COL27A1: variants seen among roughly 807,000 people sequenced by gnomAD.
COL27A1 encodes the protein collagen alpha-1(XXVII) chain.
A neutral mutation model predicts 251.3 loss-of-function variants in COL27A1; 106 were observed. That is an observed-to-expected ratio of 0.42 (90% CI 0.36 to 0.50). The LOEUF is 0.50. Ranked by LOEUF, COL27A1 falls within the 20% of genes least tolerant of loss-of-function variation. COL27A1 has a pLI of 0.00. For synonymous variants in COL27A1, 1,000 were observed against 986.3 expected, an observed-to-expected ratio of 1.01 and a Z score of -0.26; for missense variants, 2,325 against 2,522.8, an observed-to-expected ratio of 0.92 and a Z score of 1.68.
At position 114,290,246 on chromosome 9, in the gene COL27A1, C is replaced by A. The variant is rs1375492123; in HGVS notation, c.4283C>A (p.Pro1428His). The A allele has an allele frequency of 3.2e-6, 5 of 1,572,468 alleles. No individual in the cohort carries two copies. Among genetic ancestry groups the A allele is most frequent in the Admixed American group, 1.9e-5 (1 of 52,666 alleles). ...GVQGLQGLPG[P>H]RGVVGRQGLE... Reference sequence around the variant, plus strand: ...CAGGGCCTGCAGGGGCTGCCAGGGCCCCGGGGCGTGGTGGGGAGACAGGGC... The same window carrying A: ...CAGGGCCTGCAGGGGCTGCCAGGGCACCGGGGCGTGGTGGGGAGACAGGGC... Residue 1428 changes from proline (P) to histidine (H), a missense_variant, in exon 47 of 61, where the codon CCC becomes CAC. By Grantham distance (77) the Pro-to-His change is moderately conservative. This residue lies in a region of COL27A1 where 153 missense variants were observed against 140.7 expected (regional missense o/e 1.09). Coordinates refer to ENST00000356083, the MANE Select transcript of COL27A1 (RefSeq NM_032888.4). This position sits in a 1 kb window ranked among gnomAD's most constrained non-coding sequence, Gnocchi z 4.6.
chr9:114,249,496 C>T (rs369194635), intron 24 of COL27A1, among the ~76,000 whole-genome samples: 3 of 152,164 alleles, frequency 2.0e-5, no homozygotes, highest in Admixed American at 6.5e-5. Flanking sequence ...GGGGAAGGTG[C>T]GTGGTCTTTG....
At chr9:114,162,812 G>C (rs1192301976) in intron 2 of COL27A1, 27 bp downstream of exon 2, 1 of 1,560,394 alleles carries the variant, frequency 6.4e-7, no homozygotes, top group Non-Finnish European at 8.8e-7. Context: ...TTTGTCCAGG[G>C]GGAGACAAAG....
intron 28 of COL27A1, among the ~76,000 whole-genome samples, chr9:114,260,103 A>G (rs1212318173): frequency 3.3e-5 from 5 of 151,952 alleles, no homozygotes; most frequent in Non-Finnish European, 7.4e-5. Context: ...CTGGAGGGTG[A>G]GCTGCATGGG....
At chr9:114,240,705 G>A (rs1344699818) in intron 21 of COL27A1, among the ~76,000 whole-genome samples, 1 of 152,222 alleles carries the variant, frequency 6.6e-6, no homozygotes, top group Non-Finnish European at 1.5e-5. Flanking sequence ...TGGCAGGGTG[G>A]CTTCCCCGCA....
rs1053855059 is a variant in COL27A1, at chr9:114,251,265, ATAT to A, written c.3033+602_3033+604del. ...CAGAGCAGGCCCTCTGGGAGAACCA[ATAT>A]TATTCCCATTGAATAGATGGAGGAA... On this transcript the variant is annotated intron_variant, in intron 25 of 60. Transcript: ENST00000356083. 1.2e-4 allele frequency among the ~76,000 whole-genome samples: 19 copies of A among 152,210 alleles called. 1 individual carries two copies. The highest frequency in any genetic ancestry group is 3.9e-4 in the African/African-American group (16 of 41,530).
chr9:114,183,130 T>G, intron 5 of COL27A1, 55 bp downstream of exon 5: 1 of 1,516,262 alleles, frequency 6.6e-7, no homozygotes, highest in Non-Finnish European at 9.1e-7. Flanking sequence ...TGGAGCCATG[T>G]TTGCAGTGCT....
In COL27A1 at chr9:114,290,706, C is replaced by G. The variant is rs1309091261; in HGVS notation, c.4369-104C>G. 1 of 830,938 alleles carries G rather than the reference C, an allele frequency of 1.2e-6. No individual in the cohort carries two copies. The allele number at this position is 830,938 out of a possible 1,614,324, so 51.5% of individuals were successfully genotyped here. A position where few individuals can be genotyped will look rare whatever the true frequency, so the allele number is the denominator to read the frequency against. On this transcript the variant is annotated intron_variant, in intron 47 of 60. Transcript: ENST00000356083. The surrounding 1 kb of genome is among the most constrained non-coding windows in gnomAD (Gnocchi z 4.6). ...CTGACCTCCATCCTGGAGTGTGACC[C>G]CTTCCTCCAGCTTCACCCAGGGTTT...
chr9:114,294,603 C>A (rs1190209622), intron 49 of COL27A1, among the ~76,000 whole-genome samples: 2 of 152,226 alleles, frequency 1.3e-5, no homozygotes, highest in Non-Finnish European at 2.9e-5. Flanking sequence ...ATTTGATCAT[C>A]TCAGTAGTTG....
intron 56 of COL27A1, 36 bp from the exon 57 acceptor site, chr9:114,304,572 G>A: frequency 1.2e-6 from 2 of 1,610,246 alleles, no homozygotes; most frequent in Non-Finnish European, 1.7e-6. Context: ...GAACCCTGGG[G>A]GGCCACGATA....
intron 4 of COL27A1, among the ~76,000 whole-genome samples, chr9:114,178,585 C>A (rs1217259001): frequency 6.6e-6 from 1 of 152,174 alleles, no homozygotes; most frequent in Non-Finnish European, 1.5e-5. Flanking sequence ...GGATATCACC[C>A]TTTGCAGCCT....
intron 27 of COL27A1, among the ~76,000 whole-genome samples, chr9:114,255,138 T>C (rs1833835388): frequency 6.6e-6 from 1 of 152,156 alleles, no homozygotes; most frequent in South Asian, 2.1e-4. Flanking sequence ...GCCCTTTTCA[T>C]GAGAAGGAGG....
chr9:114,280,581 T>C lies in COL27A1; in HGVS notation c.3718-1696T>C, dbSNP rs561388860. 3.0e-4 allele frequency among the ~76,000 whole-genome samples: 45 copies of C among 152,342 alleles called. No individual in the cohort carries two copies. The East Asian group carries it at 6.9e-3, about 24-fold the overall frequency. On this transcript the variant is annotated intron_variant, in intron 37 of 60. Coordinates refer to ENST00000356083, the MANE Select transcript of COL27A1 (RefSeq NM_032888.4). The stretch of plus-strand genomic sequence containing the variant: ...TCAGTCATAGTAGCCAGATTTCAAG[T>C]GTTCGGTAGCTGTATGTGGCTGGAG...
chr9:114,277,928 T>C (rs1413773708), intron 37 of COL27A1, among the ~76,000 whole-genome samples: 1 of 152,192 alleles, frequency 6.6e-6, no homozygotes, highest in African/African-American at 2.4e-5. Context: ...GAAATAGCCT[T>C]GGAACCAGAG....
At chr9:114,275,639 C>T (rs1409320219) in intron 36 of COL27A1, 22 bp from the exon 37 acceptor site, 16 of 1,499,104 alleles carry the variant, frequency 1.1e-5, no homozygotes, top group Non-Finnish European at 1.4e-5. Context: ...TCTCTCTCCC[C>T]TCTTCATGCC....
intron 48 of COL27A1, among the ~76,000 whole-genome samples, chr9:114,291,255 G>A (rs542967193): frequency 6.6e-6 from 1 of 152,324 alleles, no homozygotes; most frequent in East Asian, 1.9e-4. Context: ...GCTTCCCAGT[G>A]CCGCGTGGGA....
Position 114,219,840 on chromosome 9 carries a change from A to T in COL27A1, c.2417A>T (p.Asn806Ile), listed in dbSNP as rs138267937. Residue 806 changes from asparagine to isoleucine, a missense_variant, in exon 13 of 61, where the codon AAT becomes ATT. Physicochemically the swap from Asn to Ile is moderately radical, Grantham distance 149. Coordinates refer to ENST00000356083, the MANE Select transcript of COL27A1 (RefSeq NM_032888.4). ...AGAGGCCCTCCTGGACTGGATGGAA[A>T]TCCTGTGAGTATTTCAAGTCTTTGG... ...GERGPPGLDG[N>I]PGELGLPGPP... 4.4e-6 allele frequency: 7 copies of T among 1,608,524 alleles called. No homozygotes were observed. In the African/African-American group the frequency reaches 9.4e-5, roughly 22 times the overall value.
rs770373136 is a variant in COL27A1 at position 114,306,595 on chromosome 9, C to T, written c.5014C>T (p.Leu1672Phe). 2.5e-6 allele frequency: 4 copies of T among 1,614,138 alleles called. No homozygotes were observed. Among genetic ancestry groups the T allele is most frequent in the South Asian group, 1.1e-5 (1 of 91,080 alleles). ...IFKTLHYLSN[L>F]IQSIKTPLGT... ...TAAAACCTTACACTACCTCAGCAAC[C>T]TCATCCAGAGCATTAAGACGCCCCT... The change falls in exon 58 of 61, where the codon CTC becomes TTC. Residue 1672 changes from leucine to phenylalanine, a missense_variant. Leu to Phe is a conservative substitution (Grantham distance 22). Coordinates refer to ENST00000356083, the MANE Select transcript of COL27A1 (RefSeq NM_032888.4).
At chr9:114,216,950 A>T (rs1273459825) in intron 12 of COL27A1, among the ~76,000 whole-genome samples, 2 of 152,184 alleles carry the variant, frequency 1.3e-5, no homozygotes, top group Admixed American at 1.3e-4. Context: ...GTTGTAGCTA[A>T]GAGAACAGCT....
intron 24 of COL27A1, among the ~76,000 whole-genome samples, chr9:114,248,319 TG>T (rs1443857835): frequency 6.6e-6 from 1 of 152,206 alleles, no homozygotes; most frequent in Non-Finnish European, 1.5e-5. Flanking sequence ...CACACTGAGC[TG>T]TCTAGTCCAG....
Sources: allele counts gnomAD v4.1 joint callset (sites outside exome capture counted in the v4.1 genomes callset), GRCh38; gene constraint gnomAD v4.1.1; regional missense constraint gnomAD v4.1.1; non-coding constraint Gnocchi (gnomAD v3.1); transcripts MANE v1.5; gene names NCBI Gene and HGNC (gene_info 2026-07-23, HGNC 2026-07-21).